EIF5A2: variants seen among roughly 807,000 people sequenced by gnomAD.
EIF5A2 encodes eukaryotic translation initiation factor 5A-2.
EIF5A2 carries 15 observed loss-of-function variants against 16.4 expected under a neutral mutation model. The observed-to-expected ratio is 0.92, with a 90% CI of 0.61 to 1.41. The LOEUF is 1.41. Among genes scored for constraint, EIF5A2 ranks in the 40% most tolerant of loss-of-function variants. The pLI is 0.00. For missense variants in EIF5A2, 144 were observed against 189.5 expected (o/e 0.76, Z 1.41); for synonymous variants, 48 against 61.1 (o/e 0.79, Z 1.00).
chr3:170,904,805 T>C (rs1712895398), intron 3 of EIF5A2, among the ~76,000 whole-genome samples: 1 of 152,248 alleles, frequency 6.6e-6, no homozygotes, highest in Admixed American at 6.5e-5. Flanking sequence ...CTGAATACTT[T>C]CTATGCCAGG....
intron 3 of EIF5A2, among the ~76,000 whole-genome samples, chr3:170,905,457 TTGAA>T (rs1712913854): frequency 6.6e-6 from 1 of 152,246 alleles, no homozygotes; most frequent in Non-Finnish European, 1.5e-5. Flanking sequence ...GCATTCTATA[TTGAA>T]TGAATATTAC....
intron 3 of EIF5A2, among the ~76,000 whole-genome samples, chr3:170,903,348 C>G (rs1712858908): frequency 6.6e-6 from 1 of 152,224 alleles, no homozygotes; most frequent in Non-Finnish European, 1.5e-5. Context: ...CCTATCATTC[C>G]AAAACAGCTT....
intron 3 of EIF5A2, among the ~76,000 whole-genome samples, chr3:170,906,529 T>A (rs926742672): frequency 6.6e-6 from 1 of 152,212 alleles, no homozygotes; most frequent in African/African-American, 2.4e-5. Flanking sequence ...TACTTAAGAA[T>A]GTCAAGTTCT....
chr3:170,897,771 G>A (rs995555038), intron 3 of EIF5A2, among the ~76,000 whole-genome samples: 2 of 152,232 alleles, frequency 1.3e-5, no homozygotes, highest in African/African-American at 4.8e-5. Flanking sequence ...AGTCCCCACT[G>A]GGACACTGCC....
chr3:170,891,037 G>T lies in EIF5A2; in HGVS notation c.*2323C>A, dbSNP rs1468830927. ...GCATAAATAGCGTTTGCCATTCAAAGTATGAAGATAGAGATGCATTATTAT... is the reference window on the plus strand; with the variant it reads ...GCATAAATAGCGTTTGCCATTCAAATTATGAAGATAGAGATGCATTATTAT... On this transcript the variant is annotated 3_prime_UTR_variant, in exon 5 of 5. Transcript: ENST00000295822. The T allele has an allele frequency of 6.6e-6, 1 of 152,484 alleles. No individual in the cohort carries two copies. The highest frequency in any genetic ancestry group is 6.6e-5 in the Admixed American group (1 of 15,254). The allele number at this position is 152,484 out of a possible 1,614,324, so 9.4% of individuals were successfully genotyped here. A position where few individuals can be genotyped will look rare whatever the true frequency, so the allele number is the denominator to read the frequency against.
In EIF5A2 at chr3:170,907,700, C is replaced by T. The variant is rs1467065461; in HGVS notation, c.107G>A (p.Arg36Gln). The T allele has an allele frequency of 1.9e-6, 3 of 1,610,888 alleles. No individual in the cohort carries two copies. The highest frequency in any genetic ancestry group is 2.2e-5 in the South Asian group (2 of 90,856). ...RKNGFVVLKG[R>Q]PCKIVEMSTS... ...TGACATCTCCACTATTTTGCATGGT[C>T]GTCCTTTGAGCACCACGAAGCCGTT... Residue 36 changes from arginine (R) to glutamine (Q), a missense_variant, in exon 2 of 5, where the codon CGA (arginine) becomes CAA (glutamine). Physicochemically the swap from Arg to Gln is conservative, Grantham distance 43. Transcript: ENST00000295822.
rs1294635709 is a variant in EIF5A2 at position 170,894,559 on chromosome 3, G to T, written c.271-136C>A. 5 of 664,944 alleles carry T rather than the reference G, an allele frequency of 7.5e-6. No homozygotes were observed. In the East Asian group the frequency reaches 1.6e-4, roughly 21 times the overall value. 41.2% of individuals were successfully genotyped at this position (664,944 alleles called of 1,614,324 possible). A position where few individuals can be genotyped will look rare whatever the true frequency, so the allele number is the denominator to read the frequency against. On this transcript the variant is annotated intron_variant, in intron 3 of 4. Transcript: ENST00000295822. The stretch of plus-strand genomic sequence containing the variant: ...TATTAATATTCTTGGTATTTAAAAT[G>T]CTAAAAATATAAAAAATATAAAATA...
At chr3:170,897,554 C>T (rs976108721) in intron 3 of EIF5A2, among the ~76,000 whole-genome samples, 8 of 152,184 alleles carry the variant, frequency 5.3e-5, no homozygotes, top group Admixed American at 5.2e-4. Flanking sequence ...AGTGTAAGCC[C>T]TAATCCTTGG....
chr3:170,900,666 G>GA (rs1424206228), intron 3 of EIF5A2, among the ~76,000 whole-genome samples: 1 of 152,014 alleles, frequency 6.6e-6, no homozygotes, highest in Non-Finnish European at 1.5e-5. Context: ...AGTTTATAAT[G>GA]AAAAAAATAT....
In EIF5A2 at chr3:170,890,465, C is replaced by A. The variant is rs538205704; in HGVS notation, c.*2895G>T. 2 of 151,994 alleles carry A rather than the reference C, an allele frequency of 1.3e-5. No individual in the cohort carries two copies. Among genetic ancestry groups the A allele is most frequent in the Admixed American group, 6.6e-5 (1 of 15,260 alleles). 9.4% of individuals were successfully genotyped at this position (151,994 alleles called of 1,614,324 possible). A position where few individuals can be genotyped will look rare whatever the true frequency, so the allele number is the denominator to read the frequency against. On this transcript the variant is annotated 3_prime_UTR_variant, in exon 5 of 5. Coordinates refer to ENST00000295822, the MANE Select transcript of EIF5A2 (RefSeq NM_020390.6). ...ACAGAGTCAAGAGCTTGGTTAGCAACAGTTTCTTCAAGTGACTGAGCCCCT... is the reference window on the plus strand; with the variant it reads ...ACAGAGTCAAGAGCTTGGTTAGCAAAAGTTTCTTCAAGTGACTGAGCCCCT...
chr3:170,906,536 T>G (rs1174192379), intron 3 of EIF5A2, among the ~76,000 whole-genome samples: 3 of 152,208 alleles, frequency 2.0e-5, no homozygotes, highest in African/African-American at 7.2e-5. Flanking sequence ...GAATGTCAAG[T>G]TCTGACTAAC....
chr3:170,897,963 C>G (rs1010275999), intron 3 of EIF5A2, among the ~76,000 whole-genome samples: 1 of 152,162 alleles, frequency 6.6e-6, no homozygotes, highest in African/African-American at 2.4e-5. Flanking sequence ...GATCAGTGTG[C>G]CCTGGATGTA....
chr3:170,906,358 ACTGG>A (rs749603800), intron 3 of EIF5A2, among the ~76,000 whole-genome samples: 1 of 152,200 alleles, frequency 6.6e-6, no homozygotes, highest in Non-Finnish European at 1.5e-5. Flanking sequence ...CAAATGTATA[ACTGG>A]AACTAAAACT....
At chr3:170,900,643 G>A (rs1346584642) in intron 3 of EIF5A2, among the ~76,000 whole-genome samples, 1 of 152,112 alleles carries the variant, frequency 6.6e-6, no homozygotes, top group East Asian at 1.9e-4. Flanking sequence ...ACACAAATAT[G>A]TTTAAATGCT....
In EIF5A2 at chr3:170,907,836, T is replaced by A. The variant is rs756778566; in HGVS notation, c.-30A>T. The A allele has an allele frequency of 4.9e-5, 74 of 1,510,964 alleles. No individual in the cohort carries two copies. The highest frequency in any genetic ancestry group is 6.5e-5 in the Non-Finnish European group (73 of 1,117,500). 93.6% of individuals were successfully genotyped at this position (1,510,964 alleles called of 1,614,324 possible). On this transcript the variant is annotated 5_prime_UTR_variant, in exon 2 of 5. Coordinates refer to ENST00000295822, the MANE Select transcript of EIF5A2 (RefSeq NM_020390.6). ...GGCAGGGGAGATGGTAGTTTTTCCGTGGGAACTACACAAAAAGTTTGTGTT... is the reference window on the plus strand; with the variant it reads ...GGCAGGGGAGATGGTAGTTTTTCCGAGGGAACTACACAAAAAGTTTGTGTT...
rs368279824 is a variant in EIF5A2, at chr3:170,899,828, G to C, written c.271-5405C>G. Among the ~76,000 whole-genome samples the C allele has an allele frequency of 4.6e-4, 70 of 152,040 alleles. 1 individual carries two copies. Among genetic ancestry groups the C allele is most frequent in the African/African-American group, 1.6e-3 (68 of 41,452 alleles). ...TCTCAAAGGCCTCTCTGACTCCATAGAGTTGGAAGGTGGGGATGGTAAGGA... is the reference window on the plus strand; with the variant it reads ...TCTCAAAGGCCTCTCTGACTCCATACAGTTGGAAGGTGGGGATGGTAAGGA... On this transcript the variant is annotated intron_variant, in intron 3 of 4. Transcript: ENST00000295822.
chr3:170,898,946 T>C (rs555278416), intron 3 of EIF5A2, among the ~76,000 whole-genome samples: 1 of 152,190 alleles, frequency 6.6e-6, no homozygotes, highest in East Asian at 1.9e-4. Flanking sequence ...GCCATGACTT[T>C]TCAGCAATTA....
At chr3:170,902,738 A>G (rs1712848199) in intron 3 of EIF5A2, among the ~76,000 whole-genome samples, 1 of 151,320 alleles carries the variant, frequency 6.6e-6, no homozygotes, top group Admixed American at 6.6e-5. Context: ...CCTCCTGAGT[A>G]GCTGGGATTA....
At chr3:170,896,243 C>T (rs1712666938) in intron 3 of EIF5A2, among the ~76,000 whole-genome samples, 1 of 152,064 alleles carries the variant, frequency 6.6e-6, no homozygotes, top group Admixed American at 6.6e-5. Context: ...ATATATAAAA[C>T]ATCTAGTAAA....
Sources: allele counts gnomAD v4.1 joint callset (sites outside exome capture counted in the v4.1 genomes callset), GRCh38; gene constraint gnomAD v4.1.1; transcripts MANE v1.5; gene names NCBI Gene and HGNC (gene_info 2026-07-23, HGNC 2026-07-21).